The following RNF14 variants were observed in gnomAD, a reference collection of about 807,000 sequenced individuals.
RNF14 encodes ring finger protein 14.
Under a neutral mutation model 52.6 loss-of-function variants are expected in RNF14, and 26 were observed. The observed-to-expected ratio is 0.49, with a 90% confidence interval of 0.36 to 0.69. The LOEUF is 0.69. RNF14 is among the 30% of genes least tolerant of loss of function. RNF14 has a pLI of 0.00. For missense variants in RNF14, 404 were observed against 560.4 expected, an observed-to-expected ratio of 0.72 and a Z score of 2.82; for synonymous variants, 194 against 202.0, an observed-to-expected ratio of 0.96 and a Z score of 0.34.
chr5:141,974,997 C>A, intron 4 of RNF14, 42 bp downstream of exon 4: 1 of 1,582,476 alleles, frequency 6.3e-7, no homozygotes, highest in Non-Finnish European at 8.6e-7. Context: ...TTTTTAGAAA[C>A]TTAAAAATCA....
chr5:141,962,337 C>T (rs1180063125), upstream of RNF14, among the ~76,000 whole-genome samples: 1 of 152,196 alleles, frequency 6.6e-6, no homozygotes, highest in East Asian at 1.9e-4. Context: ...CGGCAGTTCT[C>T]AAAAGGGTCC....
At position 141,961,628 on chromosome 5, in the gene RNF14, A is replaced by AT. The variant is rs530761478; in HGVS notation, c.-181+3211dup. 9.9e-5 allele frequency among the ~76,000 whole-genome samples: 15 copies of AT among 152,112 alleles called. No individual in the cohort carries two copies. The South Asian group carries it at 2.7e-3, about 27-fold the overall frequency. On this transcript the variant is annotated intron_variant, in intron 1 of 4. Transcript: ENST00000506822. Reference sequence around the variant, plus strand: ...GGACAGCCTCCCTTAAGTCCAAAATATTTTTTTTAAAAGGGCAGGATTAGG... The same window carrying AT: ...GGACAGCCTCCCTTAAGTCCAAAATATTTTTTTTTAAAAGGGCAGGATTAGG...
chr5:141,972,892 A>ATTAACTTAAGAAAGGAGTG (rs368800076), intron 2 of RNF14, among the ~76,000 whole-genome samples: 2 of 152,150 alleles, frequency 1.3e-5, no homozygotes, highest in African/African-American at 4.8e-5. Context: ...CGCCTGGCAA[A>ATTAACTTAAGAAAGGAGTG]TTAACTTAAG....
chr5:141,989,400 T>C lies in RNF14; in HGVS notation c.*1610T>C, dbSNP rs887292967. The C allele has an allele frequency of 6.6e-6, 1 of 152,036 alleles. No individual in the cohort carries two copies. The highest frequency in any genetic ancestry group is 1.5e-5 in the Non-Finnish European group (1 of 68,024). 9.4% of individuals were successfully genotyped at this position (152,036 alleles called of 1,614,324 possible). A position where few individuals can be genotyped will look rare whatever the true frequency, so the allele number is the denominator to read the frequency against. ...CCATTCAGGACATTTTGTGTAAAAA[T>C]TGAGGTTAATTTGCTGGGCACAGTG... On this transcript the variant is annotated 3_prime_UTR_variant, in exon 9 of 9. Transcript: ENST00000394520.
At chr5:141,950,046 T>C in the RNF14 span, among the ~76,000 whole-genome samples, 95,453 of 152,134 alleles carry the variant, frequency 0.63, 31,293 homozygotes, top group East Asian at 0.82. Context: ...CCTGCTCCCT[T>C]ACTGATGCTC....
Position 141,959,588 on chromosome 5 carries a change from A to G in RNF14, c.-181+1163A>G, listed in dbSNP as rs185548857. ...GCCAGAGATGCCATGTTTGGACCCAAGTGGCACTAGTCAGGGCTTATTGGC... is the reference window on the plus strand; with the variant it reads ...GCCAGAGATGCCATGTTTGGACCCAGGTGGCACTAGTCAGGGCTTATTGGC... On this transcript the variant is annotated intron_variant, in intron 1 of 4. Transcript: ENST00000506822. Among the ~76,000 whole-genome samples the G allele has an allele frequency of 2.0e-5, 3 of 152,328 alleles. No individual in the cohort carries two copies. The East Asian group carries it at 5.8e-4, about 29-fold the overall frequency.
At chr5:141,984,711 C>A in intron 7 of RNF14, 92 bp from the exon 8 acceptor site, 1 of 1,203,592 alleles carries the variant, frequency 8.3e-7, no homozygotes. Flanking sequence ...AGGGAGAGGA[C>A]CAAGACAATG....
At chr5:141,981,321 A>G (rs1754754616) in intron 6 of RNF14, among the ~76,000 whole-genome samples, 1 of 152,122 alleles carries the variant, frequency 6.6e-6, no homozygotes. Flanking sequence ...TTTTCTAATA[A>G]TTGATTGTTA....
upstream of RNF14, chr5:141,955,779 C>T (rs757506463): frequency 1.1e-5 from 17 of 1,613,762 alleles, no homozygotes; most frequent in Admixed American, 1.7e-5. The surrounding 1 kb of genome is among the most constrained non-coding windows in gnomAD (Gnocchi z 5.5). Flanking sequence ...ACATGACCCT[C>T]AACAGGGCTC....
chr5:141,979,678 G>A (rs569354671), intron 5 of RNF14, among the ~76,000 whole-genome samples: 11 of 152,274 alleles, frequency 7.2e-5, no homozygotes, highest in Admixed American at 3.9e-4. Context: ...TAGGAGGATC[G>A]CTTGAGGCTA....
At chr5:141,982,925 A>G (rs935293168) in intron 6 of RNF14, among the ~76,000 whole-genome samples, 2 of 152,222 alleles carry the variant, frequency 1.3e-5, no homozygotes, top group Non-Finnish European at 2.9e-5. Flanking sequence ...TTCTAGATGC[A>G]TAAACATACC....
intron 7 of RNF14, 55 bp from the exon 8 acceptor site, chr5:141,984,748 T>G (rs1755087386): frequency 1.1e-5 from 18 of 1,572,530 alleles, no homozygotes; most frequent in Non-Finnish European, 1.6e-5. Flanking sequence ...TGGCATGTGC[T>G]GTCTCTTCTG....
chr5:141,981,271 T>C (rs1754749178), intron 6 of RNF14, among the ~76,000 whole-genome samples: 1 of 152,244 alleles, frequency 6.6e-6, no homozygotes. Flanking sequence ...TTTCACATAA[T>C]TTTATGTCAA....
upstream of RNF14, chr5:141,956,489 CGTT>C: frequency 6.2e-7 from 1 of 1,614,192 alleles, no homozygotes; most frequent in Non-Finnish European, 8.5e-7. Flanking sequence ...GGTGCATTGT[CGTT>C]GATGTCACTG....
chr5:141,984,221 C>A (rs1211279633), intron 7 of RNF14, among the ~76,000 whole-genome samples: 1 of 151,962 alleles, frequency 6.6e-6, no homozygotes, highest in Non-Finnish European at 1.5e-5. Flanking sequence ...CCTCAGCCTC[C>A]CGAGTAGCTG....
the RNF14 span, chr5:141,953,147 C>T: frequency 6.6e-6 from 1 of 152,250 alleles, no homozygotes; most frequent in Non-Finnish European, 1.5e-5. Context: ...CATTCAGGGT[C>T]ACTTCACAGT....
chr5:141,957,856 A>G, upstream of RNF14: 1 of 1,595,346 alleles, frequency 6.3e-7, no homozygotes, highest in Non-Finnish European at 8.5e-7. The surrounding 1 kb of genome is among the most constrained non-coding windows in gnomAD (Gnocchi z 4.3). Context: ...CATCATGCTT[A>G]CCGCCAAGTG....
rs1316172001 is a variant in RNF14, at chr5:141,987,752, G to A, written c.1387G>A (p.Val463Ile). Residue 463 changes from valine (V) to isoleucine (I), a missense_variant, in exon 9 of 9, where the codon GTT (valine) becomes ATT (isoleucine). Coordinates refer to ENST00000394520, the MANE Select transcript of RNF14 (RefSeq NM_004290.5). ...TTCCAGGCTGTTTTATGCTGTGGAT[G>A]TTGACGACGATATTTGGGAAGATGA... ...CFNRLFYAVD[V>I]DDDIWEDEVE... is the part of the protein sequence containing the mutation. The A allele has an allele frequency of 6.2e-7, 1 of 1,614,022 alleles. No individual in the cohort carries two copies. Among genetic ancestry groups the A allele is most frequent in the Admixed American group, 1.7e-5 (1 of 60,030 alleles).
upstream of RNF14, chr5:141,954,929 G>A (rs1753147554): frequency 6.3e-7 from 1 of 1,576,336 alleles, no homozygotes; most frequent in African/African-American, 1.3e-5. Context: ...GTTTCTGGTG[G>A]TCCAGGAGTG....
Sources: allele counts gnomAD v4.1 joint callset (sites outside exome capture counted in the v4.1 genomes callset), GRCh38; gene constraint gnomAD v4.1.1; non-coding constraint Gnocchi (gnomAD v3.1); transcripts MANE v1.5; gene names NCBI Gene and HGNC (gene_info 2026-07-23, HGNC 2026-07-21).